Variants in TRIM33 observed in about 807,000 individuals in gnomAD.
TRIM33 encodes tripartite motif containing 33.
In TRIM33, 20 loss-of-function variants were observed where a neutral mutation model predicts 125.4. The observed-to-expected ratio is 0.16, with a 90% confidence interval of 0.11 to 0.23. TRIM33 has a LOEUF of 0.23. Ranked by LOEUF, TRIM33 falls within the 10% of genes least tolerant of loss-of-function variation. The pLI, the probability that TRIM33 is intolerant of heterozygous loss-of-function variation, is 1.00. For missense variants in TRIM33, 920 were observed against 1,411.4 expected, an observed-to-expected ratio of 0.65 and a Z score of 5.58; for synonymous variants, 564 against 513.9, an observed-to-expected ratio of 1.10 and a Z score of -1.32.
chr1:114,487,516 G>C (rs976076519), intron 1 of TRIM33, among the ~76,000 whole-genome samples: 3 of 151,858 alleles, frequency 2.0e-5, no homozygotes, highest in Non-Finnish European at 2.9e-5. Flanking sequence ...AAGCATGTAT[G>C]GTTAAAGAAA....
At chr1:114,450,824 C>G (rs994224195) in intron 4 of TRIM33, among the ~76,000 whole-genome samples, 1 of 152,104 alleles carries the variant, frequency 6.6e-6, no homozygotes, top group Admixed American at 6.5e-5. Flanking sequence ...AATCATTGTT[C>G]TGGGCATTAA....
rs1318833171 is a variant in TRIM33, at chr1:114,510,660, C to T, written c.417G>A (p.Glu139=). The change falls in exon 1 of 20, where the codon GAG becomes GAA. Residue 139 remains glutamate (E), a synonymous_variant. Transcript: ENST00000358465. ...AGTGAAGACAGGGCAGCAGCTTGGG[C>T]TCCGCCTCACGCCGGCTCTGCAAGC... ...QQSLQSRREA[E]PKLLPCLHSF... 9 of 1,557,476 alleles carry T rather than the reference C, an allele frequency of 5.8e-6. No individual in the cohort carries two copies. In the East Asian group the frequency reaches 9.5e-5, roughly 16 times the overall value.
In TRIM33 at chr1:114,397,380, T is replaced by C. The variant is rs1651593329; in HGVS notation, c.*268A>G. ...CATTTCTAACAATCAGAGAATCATCTCCATTAGAACAGAAATCCTCAAATC... is the reference window on the plus strand; with the variant it reads ...CATTTCTAACAATCAGAGAATCATCCCCATTAGAACAGAAATCCTCAAATC... On this transcript the variant is annotated 3_prime_UTR_variant, in exon 20 of 20. Coordinates refer to ENST00000358465, the MANE Select transcript of TRIM33 (RefSeq NM_015906.4). 2.2e-6 allele frequency: 1 copy of C among 464,478 alleles called. No homozygotes were observed. Among genetic ancestry groups the C allele is most frequent in the Admixed American group, 3.8e-5 (1 of 26,174 alleles). 28.8% of individuals were successfully genotyped at this position (464,478 alleles called of 1,614,324 possible). A position where few individuals can be genotyped will look rare whatever the true frequency, so the allele number is the denominator to read the frequency against.
At chr1:114,425,747 T>C (rs1557857985) in intron 8 of TRIM33, 24 bp from the exon 9 acceptor site, 1 of 1,534,222 alleles carries the variant, frequency 6.5e-7, no homozygotes, top group East Asian at 2.3e-5. Context: ...AAAATGAGAA[T>C]TTGCATATAA....
At chr1:114,484,783 T>C (rs1651569663) in intron 1 of TRIM33, among the ~76,000 whole-genome samples, 1 of 152,172 alleles carries the variant, frequency 6.6e-6, no homozygotes, top group Non-Finnish European at 1.5e-5. Flanking sequence ...GACAATTGCT[T>C]GATCCCAGGA....
chr1:114,471,089 GC>G (rs1650616431), intron 1 of TRIM33, among the ~76,000 whole-genome samples: 1 of 152,250 alleles, frequency 6.6e-6, no homozygotes, highest in Admixed American at 6.5e-5. Context: ...ATGAGCCACT[GC>G]GCCTGGCCTG....
intron 1 of TRIM33, among the ~76,000 whole-genome samples, chr1:114,479,072 T>G: frequency 6.6e-6 from 1 of 151,752 alleles, no homozygotes; most frequent in Non-Finnish European, 1.5e-5. Context: ...AAGATCTGAG[T>G]GAACTTGTAG....
chr1:114,446,355 A>G (rs184974188), intron 4 of TRIM33, among the ~76,000 whole-genome samples: 92 of 152,332 alleles, frequency 6.0e-4, no homozygotes, highest in East Asian at 1.2e-3. Flanking sequence ...TTCTCTTCTC[A>G]TAACTTCCTT....
intron 1 of TRIM33, among the ~76,000 whole-genome samples, chr1:114,480,827 G>C (rs1247635472): frequency 2.6e-5 from 4 of 151,966 alleles, no homozygotes; most frequent in African/African-American, 4.8e-5. Flanking sequence ...TAAAGTAAAA[G>C]GAGAGGAGAA....
Position 114,510,915 on chromosome 1 carries a change from G to A in TRIM33, c.162C>T (p.Gly54=), listed in dbSNP as rs1256964826. ...CGGGCCCGGCCGCGCCGCCCTCAGC[G>A]CCGGCCCTGCCGCCTTCCTCCTCCT... The part of the protein sequence containing the change: ...EEEEEEGGRA[G]AEGGAAGPDD... Residue 54 remains glycine (G), a synonymous_variant, in exon 1 of 20, where the codon GGC becomes GGT. Coordinates refer to ENST00000358465, the MANE Select transcript of TRIM33 (RefSeq NM_015906.4). The A allele has an allele frequency of 7.1e-7, 1 of 1,417,312 alleles. No homozygotes were observed. Among genetic ancestry groups the A allele is most frequent in the Non-Finnish European group, 9.2e-7 (1 of 1,090,690 alleles). 87.8% of individuals were successfully genotyped at this position (1,417,312 alleles called of 1,614,324 possible).
chr1:114,478,937 A>G (rs1651134869), intron 1 of TRIM33, among the ~76,000 whole-genome samples: 3 of 151,972 alleles, frequency 2.0e-5, no homozygotes, highest in Admixed American at 2.0e-4. Context: ...AATTCCAGCT[A>G]CTCCAGAGGC....
rs540486126 is a variant in TRIM33, at chr1:114,454,960, T to A, written c.923+8144A>T. ...ACCAGGGATTATAGTACAAATTGTCTCATTTTGTTGATCAACACTATCAGC... is the reference window on the plus strand; with the variant it reads ...ACCAGGGATTATAGTACAAATTGTCACATTTTGTTGATCAACACTATCAGC... On this transcript the variant is annotated intron_variant, in intron 4 of 19. Transcript: ENST00000358465. Among the ~76,000 whole-genome samples, 81 of 152,298 alleles carry A rather than the reference T, an allele frequency of 5.3e-4. 1 individual carries two copies. Among genetic ancestry groups the A allele is most frequent in the African/African-American group, 1.9e-3 (78 of 41,572 alleles).
chr1:114,467,061 G>C (rs1409178646), intron 1 of TRIM33, among the ~76,000 whole-genome samples: 1 of 152,222 alleles, frequency 6.6e-6, no homozygotes, highest in African/African-American at 2.4e-5. Flanking sequence ...TAAATGCCAA[G>C]ATCTGAATTC....
At chr1:114,444,296 G>A (rs1183812829) in intron 4 of TRIM33, among the ~76,000 whole-genome samples, 1 of 152,186 alleles carries the variant, frequency 6.6e-6, no homozygotes, top group Non-Finnish European at 1.5e-5. Context: ...GTCAAAGTCT[G>A]GGCTATATAT....
chr1:114,506,063 T>C (rs1652981411), intron 1 of TRIM33, among the ~76,000 whole-genome samples: 2 of 152,130 alleles, frequency 1.3e-5, no homozygotes, highest in African/African-American at 4.8e-5. Context: ...CCTAGGTTCC[T>C]TGCCCAAGGG....
At chr1:114,454,169 T>C (rs1336046341) in intron 4 of TRIM33, among the ~76,000 whole-genome samples, 6 of 152,104 alleles carry the variant, frequency 3.9e-5, no homozygotes, top group African/African-American at 7.2e-5. Context: ...GTGGGATCAA[T>C]TGAATGACCC....
chr1:114,402,455 G>A (rs930943609), intron 16 of TRIM33, among the ~76,000 whole-genome samples: 1 of 152,080 alleles, frequency 6.6e-6, no homozygotes, highest in South Asian at 2.1e-4. Flanking sequence ...TCAATTAAGG[G>A]GAATACTGGG....
intron 1 of TRIM33, among the ~76,000 whole-genome samples, chr1:114,487,140 TG>T (rs1651748755): frequency 6.6e-6 from 1 of 151,038 alleles, no homozygotes; most frequent in Non-Finnish European, 1.5e-5. Context: ...GTCCCAAATT[TG>T]ACAAAATACA....
chr1:114,511,146 CA>C lies in TRIM33; in HGVS notation c.-71del. 1.9e-6 allele frequency: 2 copies of C among 1,069,968 alleles called. No homozygotes were observed. The highest frequency in any genetic ancestry group is 2.3e-6 in the Non-Finnish European group (2 of 886,394). The allele number at this position is 1,069,968 out of a possible 1,614,324, so 66.3% of individuals were successfully genotyped here. On this transcript the variant is annotated 5_prime_UTR_variant, in exon 1 of 20. Coordinates refer to ENST00000358465, the MANE Select transcript of TRIM33 (RefSeq NM_015906.4). ...CCCGCGTCGCCGCCGCCGCCGCCCC[CA>C]GCCCCAGCCGCAGCCGCAGCAAGAG...
Sources: allele counts gnomAD v4.1 joint callset (sites outside exome capture counted in the v4.1 genomes callset), GRCh38; gene constraint gnomAD v4.1.1; transcripts MANE v1.5; gene names NCBI Gene and HGNC (gene_info 2026-07-23, HGNC 2026-07-21).